The following ZNF804B variants were observed in gnomAD, a reference collection of about 807,000 sequenced individuals.
ZNF804B encodes the protein zinc finger protein 804B, also known as zinc finger 804B.
A neutral mutation model predicts 101.4 loss-of-function variants in ZNF804B; 80 were observed. That is an observed-to-expected ratio of 0.79 (90% CI 0.66 to 0.95). The LOEUF (loss-of-function observed/expected upper bound fraction) is 0.95, where lower values mean the gene tolerates loss of function less well. Among genes scored for constraint, ZNF804B ranks in the 40% least tolerant of loss-of-function variants. The probability of loss-of-function intolerance (pLI) is 0.00; values close to 1 mark genes in which losing one functional copy is unlikely to be tolerated. For synonymous variants in ZNF804B, 622 were observed against 558.8 expected (o/e 1.11, Z -1.59); for missense variants, 1,673 against 1,561.9 (o/e 1.07, Z -1.20).
At chr7:89,301,294 T>C (rs1321578294) in intron 2 of ZNF804B, among the ~76,000 whole-genome samples, 1 of 151,560 alleles carries the variant, frequency 6.6e-6, no homozygotes, top group Non-Finnish European at 1.5e-5. Context: ...ACATGCTTAT[T>C]ATTTATATCA....
chr7:88,977,711 T>C (rs1477555315), intron 1 of ZNF804B, among the ~76,000 whole-genome samples: 5 of 151,670 alleles, frequency 3.3e-5, no homozygotes, highest in Non-Finnish European at 7.4e-5. Flanking sequence ...GTTGTTTTCT[T>C]TTTTCATTTC....
At chr7:89,232,396 A>C (rs1224331790) in intron 2 of ZNF804B, among the ~76,000 whole-genome samples, 1 of 152,164 alleles carries the variant, frequency 6.6e-6, no homozygotes, top group Non-Finnish European at 1.5e-5. Flanking sequence ...TTCTTGAGAT[A>C]TGTGTGTGGC....
At chr7:88,954,895 C>T (rs1374323215) in intron 1 of ZNF804B, among the ~76,000 whole-genome samples, 2 of 151,424 alleles carry the variant, frequency 1.3e-5, no homozygotes, top group East Asian at 2.0e-4. Context: ...ATAAGAATTA[C>T]GTGAGTCTGA....
At chr7:89,293,658 A>C (rs1453559948) in intron 2 of ZNF804B, among the ~76,000 whole-genome samples, 1 of 151,790 alleles carries the variant, frequency 6.6e-6, no homozygotes, top group Non-Finnish European at 1.5e-5. Flanking sequence ...GGTGGCAGGC[A>C]CCTGTAGTCC....
At chr7:89,139,168 G>T (rs1237657433) in intron 1 of ZNF804B, among the ~76,000 whole-genome samples, 1 of 152,084 alleles carries the variant, frequency 6.6e-6, no homozygotes, top group Non-Finnish European at 1.5e-5. Context: ...CTATGCTGTA[G>T]TCTATTCAAT....
intron 1 of ZNF804B, among the ~76,000 whole-genome samples, chr7:88,984,198 A>G (rs1584054058): frequency 6.6e-6 from 1 of 152,060 alleles, no homozygotes; most frequent in Non-Finnish European, 1.5e-5. Context: ...AATTTTTTGA[A>G]AACTGTCTGC....
chr7:89,194,092 T>C (rs1211257649), intron 1 of ZNF804B, among the ~76,000 whole-genome samples: 1 of 152,000 alleles, frequency 6.6e-6, no homozygotes. Context: ...CATATGTTTT[T>C]TGGCTGCATA....
intron 1 of ZNF804B, among the ~76,000 whole-genome samples, chr7:89,078,730 T>A (rs1043050183): frequency 1.3e-5 from 2 of 151,922 alleles, no homozygotes; most frequent in African/African-American, 4.8e-5. Flanking sequence ...CCAGTATTAT[T>A]TTCTCCTCTG....
In ZNF804B at chr7:88,759,748, G is replaced by C. The variant is rs1038889685; in HGVS notation, c.-229G>C. 6 of 566,000 alleles carry C rather than the reference G, an allele frequency of 1.1e-5. No individual in the cohort carries two copies. The highest frequency in any genetic ancestry group is 4.8e-4 in the Middle Eastern group (1 of 2,090). 35.1% of individuals were successfully genotyped at this position (566,000 alleles called of 1,614,324 possible). A position where few individuals can be genotyped will look rare whatever the true frequency, so the allele number is the denominator to read the frequency against. The stretch of plus-strand genomic sequence containing the variant: ...TGGACTGGCTCGCCGGGTCCCCTCC[G>C]TGCTCTGTGCTGTCGCCGCCGCCGC... On this transcript the variant is annotated 5_prime_UTR_variant, in exon 1 of 4. Coordinates refer to ENST00000333190, the MANE Select transcript of ZNF804B (RefSeq NM_181646.5).
In ZNF804B at chr7:89,334,047, T is replaced by C. The variant is rs1194414117; in HGVS notation, c.1065T>C (p.Asn355=). The change falls in exon 4 of 4, where the codon AAT becomes AAC. Residue 355 remains asparagine (N), a synonymous_variant. Transcript: ENST00000333190. ...TRNTLKNTLE[N]CVNHPCQANA... ...ATACATTGAAGAACACTTTAGAAAA[T>C]TGTGTTAATCACCCATGCCAAGCAA... 3.1e-6 allele frequency: 5 copies of C among 1,613,386 alleles called. No individual in the cohort carries two copies. Among genetic ancestry groups the C allele is most frequent in the Non-Finnish European group, 4.2e-6 (5 of 1,179,738 alleles).
intron 1 of ZNF804B, among the ~76,000 whole-genome samples, chr7:88,904,092 A>T (rs938169321): frequency 2.6e-5 from 4 of 152,136 alleles, no homozygotes; most frequent in African/African-American, 9.7e-5. Flanking sequence ...GAGGTCTTAT[A>T]TTTAAATCTT....
chr7:89,210,024 C>T (rs1788778909), intron 1 of ZNF804B, among the ~76,000 whole-genome samples: 1 of 151,904 alleles, frequency 6.6e-6, no homozygotes. Flanking sequence ...TGGCATGCAC[C>T]TGTAGTCCCA....
At chr7:88,886,540 A>G (rs1453291600) in intron 1 of ZNF804B, among the ~76,000 whole-genome samples, 1 of 152,118 alleles carries the variant, frequency 6.6e-6, no homozygotes, top group African/African-American at 2.4e-5. Flanking sequence ...TTGATAAAGA[A>G]CATTTTATTT....
intron 1 of ZNF804B, among the ~76,000 whole-genome samples, chr7:88,878,131 TA>T (rs1562820795): frequency 6.6e-6 from 1 of 152,204 alleles, no homozygotes; most frequent in Non-Finnish European, 1.5e-5. Flanking sequence ...ACTTCTAACT[TA>T]AGATAACTCA....
intron 1 of ZNF804B, among the ~76,000 whole-genome samples, chr7:89,118,389 T>C (rs1790348498): frequency 1.3e-5 from 2 of 151,514 alleles, no homozygotes; most frequent in Admixed American, 6.6e-5. Context: ...TTCTAGGCAC[T>C]TTAACTTTAT....
chr7:88,762,761 C>T (rs1369573021), intron 1 of ZNF804B, among the ~76,000 whole-genome samples: 1 of 150,654 alleles, frequency 6.6e-6, no homozygotes, highest in African/African-American at 2.4e-5. Flanking sequence ...ACATCAATGA[C>T]TTTAATTATT....
At chr7:88,855,004 T>G (rs1791533615) in intron 1 of ZNF804B, among the ~76,000 whole-genome samples, 1 of 152,144 alleles carries the variant, frequency 6.6e-6, no homozygotes, top group East Asian at 2.0e-4. Context: ...CAGTCTATCA[T>G]GGTTGGACAT....
At chr7:89,299,729 T>G (rs1484872080) in intron 2 of ZNF804B, among the ~76,000 whole-genome samples, 1 of 152,050 alleles carries the variant, frequency 6.6e-6, no homozygotes, top group Non-Finnish European at 1.5e-5. Context: ...TATTTTGTTT[T>G]ATTTGTCCTA....
chr7:88,887,776 A>G (rs1489901319), intron 1 of ZNF804B, among the ~76,000 whole-genome samples: 1 of 150,938 alleles, frequency 6.6e-6, no homozygotes, highest in Non-Finnish European at 1.5e-5. Flanking sequence ...GCAGATTTGT[A>G]TTTACCCCAT....
Sources: gnomAD v4.1 joint callset for allele counts (sites outside exome capture counted in the v4.1 genomes callset) on GRCh38, gnomAD v4.1.1 for gene constraint, MANE v1.5 for transcripts, NCBI Gene and HGNC (gene_info 2026-07-23, HGNC 2026-07-21) for gene names.